SLC16A7: variants seen among roughly 807,000 people sequenced by gnomAD.
The protein encoded by SLC16A7 is solute carrier family 16 member 7, also known as monocarboxylate transporter 2.
Under a neutral mutation model 34.9 loss-of-function variants are expected in SLC16A7, and 33 were observed. That is an observed-to-expected ratio of 0.94 (90% CI 0.72 to 1.26). The LOEUF (loss-of-function observed/expected upper bound fraction) is 1.26. Ranked by LOEUF, SLC16A7 falls within the 50% of genes most tolerant of loss-of-function variation. The pLI is 0.00. For synonymous variants in SLC16A7, 201 were observed against 206.6 expected (o/e 0.97, Z 0.23); for missense variants, 573 against 578.1 (o/e 0.99, Z 0.09).
At chr12:59,756,046 C>T (rs1592653312) in intron 3 of SLC16A7, among the ~76,000 whole-genome samples, 1 of 152,182 alleles carries the variant, frequency 6.6e-6, no homozygotes, top group African/African-American at 2.4e-5. Context: ...GGAAAACTGG[C>T]TAGCCATATG....
intron 2 of SLC16A7, among the ~76,000 whole-genome samples, chr12:59,694,427 A>G (rs1411256670): frequency 2.0e-5 from 3 of 152,000 alleles, no homozygotes; most frequent in South Asian, 2.1e-4. Context: ...TAGTTTGGAG[A>G]TAAGTGTACA....
At chr12:59,727,660 C>T (rs535622800) in intron 3 of SLC16A7, among the ~76,000 whole-genome samples, 3 of 152,114 alleles carry the variant, frequency 2.0e-5, no homozygotes, top group Admixed American at 6.5e-5. Flanking sequence ...TGATAAATAC[C>T]GGAGGTTTCA....
In SLC16A7 at chr12:59,682,074, T is replaced by C. The variant is rs73110000; in HGVS notation, c.-30-22698T>C. On this transcript the variant is annotated intron_variant, in intron 2 of 5. Transcript: ENST00000547379. ...TTCTACTGGTCATTAGAAAAACTTT[T>C]GATAAGACTAAAATTTCTTTACCTA... Among the ~76,000 whole-genome samples, 1,382 of 152,348 alleles carry C rather than the reference T, an allele frequency of 9.1e-3. 10 individuals are homozygous for C. The highest frequency in any genetic ancestry group is 0.014 in the Non-Finnish European group (939 of 68,018).
intron 1 of SLC16A7, among the ~76,000 whole-genome samples, chr12:59,600,826 C>G (rs1356080320): frequency 6.6e-6 from 1 of 152,026 alleles, no homozygotes; most frequent in East Asian, 1.9e-4. Context: ...ATAAATGAAG[C>G]AAGTATTTTT....
intron 1 of SLC16A7, among the ~76,000 whole-genome samples, chr12:59,638,954 A>G (rs1388028014): frequency 6.6e-6 from 1 of 152,206 alleles, no homozygotes; most frequent in African/African-American, 2.4e-5. Context: ...AGTAATACAT[A>G]CATGAGCAAA....
At chr12:59,638,453 A>C (rs1880533458) in intron 1 of SLC16A7, among the ~76,000 whole-genome samples, 1 of 152,156 alleles carries the variant, frequency 6.6e-6, no homozygotes, top group Non-Finnish European at 1.5e-5. Flanking sequence ...TTTGATTTTT[A>C]GAGCTTAACT....
chr12:59,668,646 CT>C (rs1386643295), intron 2 of SLC16A7, among the ~76,000 whole-genome samples: 1 of 152,068 alleles, frequency 6.6e-6, no homozygotes, highest in African/African-American at 2.4e-5. Flanking sequence ...TGGATGTAGA[CT>C]TTTGGGTTAA....
At chr12:59,679,824 A>G (rs924135885) in intron 2 of SLC16A7, among the ~76,000 whole-genome samples, 2 of 152,194 alleles carry the variant, frequency 1.3e-5, no homozygotes, top group Non-Finnish European at 2.9e-5. Context: ...TTTAATCATA[A>G]GGGCAAAATT....
chr12:59,719,986 C>T, intron 3 of SLC16A7: 1 of 657,700 alleles, frequency 1.5e-6, no homozygotes, highest in South Asian at 1.7e-5. Flanking sequence ...AGGATGCATA[C>T]CTGGGTCTAC....
rs1238201891 is a variant in SLC16A7 at position 59,788,525 on chromosome 12, TA to T, written c.*8847del. The T allele has an allele frequency of 6.6e-6, 1 of 152,062 alleles. No individual in the cohort carries two copies. The highest frequency in any genetic ancestry group is 2.4e-5 in the African/African-American group (1 of 41,442). 9.4% of individuals were successfully genotyped at this position (152,062 alleles called of 1,614,324 possible). ...CCTAAATGATCCAAACAGTTGTTTT[TA>T]CATGACTTAAATCATGGCTGTATTA... On this transcript the variant is annotated 3_prime_UTR_variant, in exon 6 of 6. Transcript: ENST00000547379.
chr12:59,606,870 G>A (rs991351095), intron 1 of SLC16A7, among the ~76,000 whole-genome samples: 1 of 151,984 alleles, frequency 6.6e-6, no homozygotes, highest in Admixed American at 6.6e-5. Flanking sequence ...ATGTGTGTGT[G>A]TGATTATATA....
chr12:59,628,832 C>T lies in SLC16A7; in HGVS notation c.-129-26320C>T, dbSNP rs375406676. Among the ~76,000 whole-genome samples the T allele has an allele frequency of 3.3e-5, 5 of 151,954 alleles. No individual in the cohort carries two copies. The East Asian group carries it at 7.8e-4, about 24-fold the overall frequency. On this transcript the variant is annotated intron_variant, in intron 1 of 5. Coordinates refer to ENST00000547379, the MANE Select transcript of SLC16A7 (RefSeq NM_001270623.2). ...CTTAGGATATAGCTAGAAATAATCC[C>T]TTAAGACTACATTAGATTCTCAAAA...
intron 3 of SLC16A7, among the ~76,000 whole-genome samples, chr12:59,727,822 C>T (rs957305263): frequency 6.6e-6 from 1 of 151,848 alleles, no homozygotes; most frequent in Non-Finnish European, 1.5e-5. Flanking sequence ...GAGGTAGTGT[C>T]ATATTGGTTA....
At chr12:59,696,162 A>G (rs1470610560) in intron 2 of SLC16A7, among the ~76,000 whole-genome samples, 2 of 151,850 alleles carry the variant, frequency 1.3e-5, no homozygotes, top group Non-Finnish European at 2.9e-5. Flanking sequence ...GTTTTTTTCA[A>G]CAAAACCTAA....
chr12:59,710,443 G>A (rs143323018), intron 3 of SLC16A7, among the ~76,000 whole-genome samples: 17 of 152,256 alleles, frequency 1.1e-4, no homozygotes, highest in Admixed American at 2.0e-4. Context: ...GGGATGAAAG[G>A]GGACAGAGGT....
chr12:59,718,784 T>C (rs1237770951), intron 3 of SLC16A7, among the ~76,000 whole-genome samples: 1 of 152,162 alleles, frequency 6.6e-6, no homozygotes, highest in Non-Finnish European at 1.5e-5. Context: ...AAGTATCACA[T>C]GATAATGCCT....
chr12:59,638,025 G>C lies in SLC16A7; in HGVS notation c.-129-17127G>C, dbSNP rs186640324. Among the ~76,000 whole-genome samples, 174 of 152,178 alleles carry C rather than the reference G, an allele frequency of 1.1e-3. 1 individual carries two copies. Among genetic ancestry groups the C allele is most frequent in the African/African-American group, 3.9e-3 (163 of 41,542 alleles). ...ACTGTGAGCCAGATAAACTTCTATT[G>C]CTTAGAAATTACCCACCCTGTGGTT... is the stretch of plus-strand genomic sequence containing the variant. On this transcript the variant is annotated intron_variant, in intron 1 of 5. Coordinates refer to ENST00000547379, the MANE Select transcript of SLC16A7 (RefSeq NM_001270623.2).
At chr12:59,635,446 A>G (rs1880375245) in intron 1 of SLC16A7, among the ~76,000 whole-genome samples, 1 of 152,096 alleles carries the variant, frequency 6.6e-6, no homozygotes, top group African/African-American at 2.4e-5. Flanking sequence ...ATGCAATGCA[A>G]TAAATGACAC....
intron 3 of SLC16A7, among the ~76,000 whole-genome samples, chr12:59,766,048 C>T (rs1881585533): frequency 6.6e-6 from 1 of 152,174 alleles, no homozygotes; most frequent in Non-Finnish European, 1.5e-5. Context: ...AGGTCCTTCT[C>T]ATCCCTTGTA....
Sources: allele counts gnomAD v4.1 joint callset (sites outside exome capture counted in the v4.1 genomes callset), GRCh38; gene constraint gnomAD v4.1.1; transcripts MANE v1.5; gene names NCBI Gene and HGNC (gene_info 2026-07-23, HGNC 2026-07-21).